Variants in ITPR2 observed in about 807,000 individuals in gnomAD.
The protein encoded by ITPR2 is inositol 1,4,5-trisphosphate-gated calcium channel ITPR2.
In ITPR2, 207 loss-of-function variants were observed where a neutral mutation model predicts 317.1. That is an observed-to-expected ratio of 0.65 (90% confidence interval 0.58 to 0.73). The LOEUF (loss-of-function observed/expected upper bound fraction) is 0.73. ITPR2 is among the 30% of genes least tolerant of loss of function. ITPR2 has a pLI of 0.00. For missense variants in ITPR2, 2,613 were observed against 3,284.0 expected, an observed-to-expected ratio of 0.80 and a Z score of 4.99; for synonymous variants, 1,156 against 1,149.1, an observed-to-expected ratio of 1.01 and a Z score of -0.12.
chr12:26,450,876 G>C (rs747635689), intron 45 of ITPR2, among the ~76,000 whole-genome samples: 6 of 152,134 alleles, frequency 3.9e-5, no homozygotes, highest in Non-Finnish European at 7.4e-5. Context: ...AAATGGGAAA[G>C]AGTATGAGAT....
intron 54 of ITPR2, among the ~76,000 whole-genome samples, chr12:26,398,057 G>GGT (rs35660888): frequency 0.13 from 17,845 of 134,894 alleles, 1,191 homozygotes; most frequent in Non-Finnish European, 0.15. Flanking sequence ...GGAGGGGAGT[G>GGT]GTGTGTGTGT....
intron 2 of ITPR2, among the ~76,000 whole-genome samples, chr12:26,783,901 C>G (rs1321012546): frequency 6.6e-6 from 1 of 152,080 alleles, no homozygotes; most frequent in African/African-American, 2.4e-5. Flanking sequence ...AAGACTAAGA[C>G]CGGGTCACAG....
chr12:26,790,347 C>T (rs1950320660), intron 1 of ITPR2, 120 bp from the exon 2 acceptor site: 2 of 719,570 alleles, frequency 2.8e-6, no homozygotes, highest in South Asian at 3.4e-5. Context: ...CACTAAGTAA[C>T]TTTTTAACAA....
chr12:26,599,219 G>A lies in ITPR2; in HGVS notation c.3928C>T (p.Leu1310=). ...IETHGRHVEY[L]RFLQTIVKAD... ...TTTACAATTGTTTGCAAAAACCTCA[G>A]GTACTCCACGTGGCGGCCATGTGTC... The change falls in exon 30 of 57, where the codon CTG becomes TTG. Residue 1310 remains leucine, a synonymous_variant. Coordinates refer to ENST00000381340, the MANE Select transcript of ITPR2 (RefSeq NM_002223.4). The A allele has an allele frequency of 1.2e-6, 2 of 1,614,078 alleles. No homozygotes were observed. The highest frequency in any genetic ancestry group is 1.7e-6 in the Non-Finnish European group (2 of 1,179,968).
At chr12:26,582,857 G>A (rs532467375) in intron 32 of ITPR2, among the ~76,000 whole-genome samples, 1 of 152,182 alleles carries the variant, frequency 6.6e-6, no homozygotes. Context: ...GGCTCTGGTT[G>A]TATTCAGCTA....
intron 2 of ITPR2, among the ~76,000 whole-genome samples, chr12:26,764,717 C>A (rs190846818): frequency 2.8e-3 from 417 of 151,606 alleles, no homozygotes; most frequent in South Asian, 6.9e-3. Flanking sequence ...ACAACAACAA[C>A]AAAAAAACTG....
At chr12:26,440,293 T>G (rs1304320202) in intron 46 of ITPR2, among the ~76,000 whole-genome samples, 1 of 152,210 alleles carries the variant, frequency 6.6e-6, no homozygotes, top group Non-Finnish European at 1.5e-5. Context: ...TTGGTTTGCC[T>G]GTACCCTCTT....
intron 1 of ITPR2, among the ~76,000 whole-genome samples, chr12:26,819,160 T>G (rs971950867): frequency 6.6e-6 from 1 of 152,232 alleles, no homozygotes; most frequent in African/African-American, 2.4e-5. Context: ...TGTACATATC[T>G]ATATTTCTCA....
intron 2 of ITPR2, among the ~76,000 whole-genome samples, chr12:26,727,336 T>C (rs1196567393): frequency 6.6e-6 from 1 of 152,162 alleles, no homozygotes; most frequent in Non-Finnish European, 1.5e-5. Context: ...CTATACTGTC[T>C]GCACTCAGCA....
intron 26 of ITPR2, among the ~76,000 whole-genome samples, chr12:26,610,697 C>G (rs1252563245): frequency 6.6e-6 from 1 of 152,086 alleles, no homozygotes; most frequent in African/African-American, 2.4e-5. Context: ...TATAATCAAT[C>G]AAGAGCTTTT....
intron 45 of ITPR2, among the ~76,000 whole-genome samples, chr12:26,467,451 T>G (rs1288543521): frequency 6.6e-6 from 1 of 152,036 alleles, no homozygotes; most frequent in Non-Finnish European, 1.5e-5. Context: ...AATTCAAGGG[T>G]CTGAAATATA....
At chr12:26,371,527 T>C (rs993740533) in intron 55 of ITPR2, among the ~76,000 whole-genome samples, 4 of 152,238 alleles carry the variant, frequency 2.6e-5, no homozygotes, top group African/African-American at 4.8e-5. Context: ...GGATAGACTA[T>C]GACGAAGTGC....
rs368003750 is a variant in ITPR2, at chr12:26,599,956, T to C, written c.3801+31A>G. The C allele has an allele frequency of 1.9e-5, 29 of 1,535,768 alleles. No individual in the cohort carries two copies. The African/African-American group carries it at 3.0e-4, about 16-fold the overall frequency. ...GAGACAAATTTGATGCACACTTTAC[T>C]AGAAATACTAGAAGCCACTAAAATA... is the stretch of plus-strand genomic sequence containing the variant. On this transcript the variant is annotated intron_variant, in intron 29 of 56. Transcript: ENST00000381340.
intron 52 of ITPR2, among the ~76,000 whole-genome samples, chr12:26,403,795 C>T (rs1202830013): frequency 6.6e-6 from 1 of 152,164 alleles, no homozygotes; most frequent in Non-Finnish European, 1.5e-5. Flanking sequence ...AGTAGAAAGG[C>T]ATCTCAAGTG....
At chr12:26,517,617 C>G (rs992511078) in intron 37 of ITPR2, among the ~76,000 whole-genome samples, 14 of 152,190 alleles carry the variant, frequency 9.2e-5, no homozygotes, top group Non-Finnish European at 1.5e-4. Context: ...GCAGGTGGAT[C>G]ACCAGAGGTC....
intron 21 of ITPR2, among the ~76,000 whole-genome samples, chr12:26,639,848 A>G (rs976355963): frequency 6.6e-6 from 1 of 151,808 alleles, no homozygotes; most frequent in Non-Finnish European, 1.5e-5. Context: ...TATGTGCCAC[A>G]TTTTCTTAAT....
At chr12:26,470,019 C>T (rs1161727745) in intron 45 of ITPR2, among the ~76,000 whole-genome samples, 1 of 152,222 alleles carries the variant, frequency 6.6e-6, no homozygotes, top group African/African-American at 2.4e-5. Flanking sequence ...TGGCTCCCTG[C>T]TTTGGAAGAG....
chr12:26,830,366 G>T (rs1951080906), intron 1 of ITPR2, among the ~76,000 whole-genome samples: 1 of 152,200 alleles, frequency 6.6e-6, no homozygotes, highest in South Asian at 2.1e-4. Context: ...CAAAAAAGTT[G>T]AATACAAATC....
chr12:26,552,320 C>G (rs1029430116), intron 36 of ITPR2, among the ~76,000 whole-genome samples: 2 of 152,228 alleles, frequency 1.3e-5, no homozygotes, highest in South Asian at 4.1e-4. Context: ...TCCTGAGTAG[C>G]TGGGACCACA....
Sources: gnomAD v4.1 joint callset for allele counts (sites outside exome capture counted in the v4.1 genomes callset) on GRCh38, gnomAD v4.1.1 for gene constraint, MANE v1.5 for transcripts, NCBI Gene and HGNC (gene_info 2026-07-23, HGNC 2026-07-21) for gene names.